Variants in NECAB1 observed in about 807,000 individuals in gnomAD.
The protein encoded by NECAB1 is N-terminal EF-hand calcium-binding protein 1.
A neutral mutation model predicts 57.5 loss-of-function variants in NECAB1; 29 were observed. The observed-to-expected ratio is 0.50, with a 90% CI of 0.38 to 0.69. The LOEUF is 0.69. Ranked by LOEUF, NECAB1 falls within the 30% of genes least tolerant of loss-of-function variation. NECAB1 has a pLI of 0.00. For synonymous variants in NECAB1, 142 were observed against 147.7 expected (o/e 0.96, Z 0.28); for missense variants, 372 against 413.8 (o/e 0.90, Z 0.88).
chr8:90,803,110 T>TA (rs1441100930), intron 2 of NECAB1, among the ~76,000 whole-genome samples: 2 of 152,162 alleles, frequency 1.3e-5, no homozygotes, highest in African/African-American at 4.8e-5. Context: ...TTGGCCAGGC[T>TA]AGTCTCAAAC....
intron 4 of NECAB1, among the ~76,000 whole-genome samples, chr8:90,873,952 T>C (rs1206390138): frequency 6.6e-6 from 1 of 152,236 alleles, no homozygotes; most frequent in East Asian, 1.9e-4. Flanking sequence ...CCTATAGCTT[T>C]AGTTAGGGAA....
At chr8:90,842,794 G>T (rs1812475643) in intron 3 of NECAB1, among the ~76,000 whole-genome samples, 1 of 152,214 alleles carries the variant, frequency 6.6e-6, no homozygotes, top group African/African-American at 2.4e-5. Context: ...TTTATGGTGT[G>T]TGCCTTGAGT....
intron 4 of NECAB1, among the ~76,000 whole-genome samples, chr8:90,873,544 A>T (rs200869717): frequency 6.6e-6 from 1 of 152,266 alleles, no homozygotes; most frequent in East Asian, 1.9e-4. Flanking sequence ...TGATAATTTC[A>T]TTAAGGTAGC....
chr8:90,855,059 C>A (rs1479495576), intron 3 of NECAB1, among the ~76,000 whole-genome samples: 1 of 152,202 alleles, frequency 6.6e-6, no homozygotes, highest in Non-Finnish European at 1.5e-5. Flanking sequence ...AAGGCCTATT[C>A]TCTTGTTTGC....
intron 5 of NECAB1, among the ~76,000 whole-genome samples, chr8:90,910,687 C>T (rs1449349537): frequency 6.6e-6 from 1 of 152,178 alleles, no homozygotes; most frequent in African/African-American, 2.4e-5. Flanking sequence ...ACAGGGGCTA[C>T]ACAGTTCCAA....
chr8:90,835,390 G>C (rs1812355288), intron 3 of NECAB1, among the ~76,000 whole-genome samples: 1 of 152,216 alleles, frequency 6.6e-6, no homozygotes. Flanking sequence ...ACTCAGACTT[G>C]CCAGGCTTGG....
At chr8:90,917,402 G>T in intron 5 of NECAB1, 90 bp from the exon 6 acceptor site, 1 of 1,155,134 alleles carries the variant, frequency 8.7e-7, no homozygotes. Context: ...ATCAATCTGG[G>T]ATTGATGGGT....
chr8:90,947,616 G>A (rs1251512585), intron 10 of NECAB1, among the ~76,000 whole-genome samples: 1 of 152,076 alleles, frequency 6.6e-6, no homozygotes. Context: ...GGCCAGGCTG[G>A]CCTTGAACTC....
intron 4 of NECAB1, among the ~76,000 whole-genome samples, chr8:90,876,956 C>A (rs1808739377): frequency 6.6e-6 from 1 of 152,118 alleles, no homozygotes; most frequent in Admixed American, 6.5e-5. Flanking sequence ...CTTCTAGTTA[C>A]CAAAGGAAAG....
rs575396864 is a variant in NECAB1, at chr8:90,931,940, A to T, written c.694-2364A>T. Among the ~76,000 whole-genome samples, 5 of 151,310 alleles carry T rather than the reference A, an allele frequency of 3.3e-5. No individual in the cohort carries two copies. In the South Asian group the frequency reaches 1.0e-3, roughly 31 times the overall value. ...ATAAAATAAAATAAACAAAAATAAA[A>T]AACAAAAAAAAACCCCACCTTTAAT... On this transcript the variant is annotated intron_variant, in intron 8 of 12. Coordinates refer to ENST00000417640, the MANE Select transcript of NECAB1 (RefSeq NM_022351.5).
rs1222284397 is a variant in NECAB1, at chr8:90,949,866, A to T, written c.920A>T (p.Asn307Ile). 6.2e-7 allele frequency: 1 copy of T among 1,606,730 alleles called. No homozygotes were observed. Among genetic ancestry groups the T allele is most frequent in the Non-Finnish European group, 8.5e-7 (1 of 1,174,692 alleles). Residue 307 changes from asparagine (N) to isoleucine (I), a missense_variant, in exon 11 of 13, where the codon AAT (asparagine) becomes ATT (isoleucine). Physicochemically the swap from Asn to Ile is moderately radical, Grantham distance 149. Coordinates refer to ENST00000417640, the MANE Select transcript of NECAB1 (RefSeq NM_022351.5). ...SRYMIYEFWE[N>I]SSVWNSHLQT... ...TACATGATCTATGAGTTCTGGGAGA[A>T]TAGTAGTGTATGGAATAGGTAAGTT...
Position 90,917,597 on chromosome 8 carries a change from G to A in NECAB1, c.463G>A (p.Glu155Lys), listed in dbSNP as rs754938272. Residue 155 changes from glutamate (E) to lysine (K), a missense_variant, in exon 6 of 13, where the codon GAA becomes AAA. Glu to Lys is a moderately conservative substitution (Grantham distance 56, BLOSUM62 1). Transcript: ENST00000417640. ...CCAGAATTCCCTGGAATGTGCCATG[G>A]AAACTACTGAGGAGCAAACCCGTCA... Reference protein sequence around the residue: ...SLQNSLECAMETTEEQTRQER... With the variant: ...SLQNSLECAMKTTEEQTRQER... 2 of 1,611,338 alleles carry A rather than the reference G, an allele frequency of 1.2e-6. No individual in the cohort carries two copies. The highest frequency in any genetic ancestry group is 1.7e-5 in the Admixed American group (1 of 59,860).
intron 5 of NECAB1, among the ~76,000 whole-genome samples, chr8:90,893,410 T>A (rs1809237065): frequency 6.6e-6 from 1 of 152,196 alleles, no homozygotes; most frequent in Non-Finnish European, 1.5e-5. Flanking sequence ...TTTAAAAATA[T>A]ATATCGGCTC....
At position 90,917,840 on chromosome 8, in the gene NECAB1, CTATA is replaced by C. The variant is rs34288387; in HGVS notation, c.494+240_494+243del. ...CTTTTACTGTCAGTCATTTAGTAAA[CTATA>C]TATATATATATATATATATATATAT... On this transcript the variant is annotated intron_variant, in intron 6 of 12. Coordinates refer to ENST00000417640, the MANE Select transcript of NECAB1 (RefSeq NM_022351.5). Among the ~76,000 whole-genome samples the C allele has an allele frequency of 5.9e-3, 280 of 47,330 alleles. 19 individuals carry two copies. Among genetic ancestry groups the C allele is most frequent in the African/African-American group, 0.032 (238 of 7,466 alleles). The allele number at this position is 47,330 out of a possible 152,430, so 31.1% of individuals were successfully genotyped here. A position where few individuals can be genotyped will look rare whatever the true frequency, so the allele number is the denominator to read the frequency against.
Position 90,824,781 on chromosome 8 carries a change from A to G in NECAB1, c.189A>G (p.Glu63=). Residue 63 remains glutamate (E), a synonymous_variant, in exon 3 of 13, where the codon GAA becomes GAG. Transcript: ENST00000417640. ...TTGCAGATGGTGTTCTCAGTGGAGA[A>G]GAATTACACGAGCTTTTCCATACCA... ...AYFADGVLSG[E]ELHELFHTID... is the part of the protein sequence containing the mutation. The G allele has an allele frequency of 6.4e-7, 1 of 1,553,996 alleles. No homozygotes were observed. The highest frequency in any genetic ancestry group is 8.7e-7 in the Non-Finnish European group (1 of 1,146,992).
intron 3 of NECAB1, among the ~76,000 whole-genome samples, chr8:90,860,344 A>G: frequency 6.6e-6 from 1 of 151,760 alleles, no homozygotes; most frequent in South Asian, 2.1e-4. Flanking sequence ...TAACTCCTAG[A>G]AGGCAACTGT....
At chr8:90,844,900 G>A (rs1172550890) in intron 3 of NECAB1, among the ~76,000 whole-genome samples, 1 of 152,190 alleles carries the variant, frequency 6.6e-6, no homozygotes, top group Admixed American at 6.5e-5. Context: ...ACAATAGGAT[G>A]TGTATCTATA....
intron 3 of NECAB1, among the ~76,000 whole-genome samples, chr8:90,849,961 T>TG (rs1336079798): frequency 6.6e-6 from 1 of 152,350 alleles, no homozygotes; most frequent in East Asian, 1.9e-4. Flanking sequence ...TAAGGGACTG[T>TG]GGTCTAGCAT....
intron 4 of NECAB1, among the ~76,000 whole-genome samples, chr8:90,879,192 T>C (rs1003916928): frequency 7.0e-6 from 1 of 143,812 alleles, no homozygotes; most frequent in African/African-American, 2.6e-5. Flanking sequence ...GTTTTCACTT[T>C]CTTTTTTTTT....
Sources: gnomAD v4.1 joint callset for allele counts (sites outside exome capture counted in the v4.1 genomes callset) on GRCh38, gnomAD v4.1.1 for gene constraint, MANE v1.5 for transcripts, NCBI Gene and HGNC (gene_info 2026-07-23, HGNC 2026-07-21) for gene names.